The following PRIM2 variants were observed in gnomAD, a reference collection of about 807,000 sequenced individuals.
The protein encoded by PRIM2 is DNA primase subunit 2, also known as DNA primase large subunit.
In PRIM2, 39 loss-of-function variants were observed where a neutral mutation model predicts 67.3. The observed-to-expected ratio is 0.58, with a 90% CI of 0.45 to 0.76. The LOEUF (loss-of-function observed/expected upper bound fraction) is 0.76. Ranked by LOEUF, PRIM2 falls within the 30% of genes least tolerant of loss-of-function variation. The pLI is 0.00. For missense variants in PRIM2, 398 were observed against 598.7 expected, an observed-to-expected ratio of 0.66 and a Z score of 3.50; for synonymous variants, 143 against 198.7, an observed-to-expected ratio of 0.72 and a Z score of 2.36.
chr6:57,646,167 A>T lies in PRIM2; in HGVS notation c.*9A>T. ...TTAGTGAAGATTCTTAGGCAGTTTT[A>T]TAACCCTTTTTCCTCAATAGCCTGT... On this transcript the variant is annotated 3_prime_UTR_variant, in exon 14 of 14. Coordinates refer to ENST00000615550, the MANE Select transcript of PRIM2 (RefSeq NM_000947.5). 6.3e-7 allele frequency: 1 copy of T among 1,576,180 alleles called. No individual in the cohort carries two copies. The highest frequency in any genetic ancestry group is 8.7e-7 in the Non-Finnish European group (1 of 1,147,064).
intron 7 of PRIM2, among the ~76,000 whole-genome samples, chr6:57,482,122 C>CAAAG (rs1773643109): frequency 6.7e-6 from 1 of 149,798 alleles, no homozygotes; most frequent in Admixed American, 6.7e-5. Flanking sequence ...GCCTGGTGAC[C>CAAAG]AAAGGGTCAA....
the PRIM2 span, among the ~76,000 whole-genome samples, chr6:57,266,935 C>T: frequency 6.6e-6 from 1 of 152,168 alleles, no homozygotes. Context: ...GTACTTCACA[C>T]AGAATCCAGC....
rs1772317363 is a variant in PRIM2, at chr6:57,444,874, A to C, written c.694-62513A>C. On this transcript the variant is annotated intron_variant, in intron 7 of 13. Coordinates refer to ENST00000615550, the MANE Select transcript of PRIM2 (RefSeq NM_000947.5). ...TCTCCTCTGGTGTAAAGTGGAAATGAAATAATTTGGGGTGGCAGATTTTTG... is the reference window on the plus strand; with the variant it reads ...TCTCCTCTGGTGTAAAGTGGAAATGCAATAATTTGGGGTGGCAGATTTTTG... 1.3e-5 allele frequency among the ~76,000 whole-genome samples: 2 copies of C among 149,636 alleles called. 1 individual carries two copies. Among genetic ancestry groups the C allele is most frequent in the South Asian group, 4.1e-4 (2 of 4,828 alleles).
At chr6:57,614,695 A>C (rs1776722734) in intron 12 of PRIM2, among the ~76,000 whole-genome samples, 1 of 152,178 alleles carries the variant, frequency 6.6e-6, no homozygotes, top group East Asian at 1.9e-4. Flanking sequence ...CTAATAATAC[A>C]AAAAATTAGC....
chr6:57,462,367 A>C (rs34649023), intron 7 of PRIM2, among the ~76,000 whole-genome samples: 5 of 151,440 alleles, frequency 3.3e-5, no homozygotes, highest in African/African-American at 9.8e-5. Context: ...TTGGATTTGC[A>C]AAACTATTGT....
At chr6:57,566,495 G>T (rs1775744604) in intron 10 of PRIM2, among the ~76,000 whole-genome samples, 2 of 152,096 alleles carry the variant, frequency 1.3e-5, no homozygotes, top group Admixed American at 1.3e-4. Context: ...AAATAAGGGA[G>T]ATCATATTTT....
chr6:57,464,095 A>G (rs1581933419), intron 7 of PRIM2, among the ~76,000 whole-genome samples: 1 of 152,222 alleles, frequency 6.6e-6, no homozygotes, highest in African/African-American at 2.4e-5. Flanking sequence ...GTCTTCCCTC[A>G]AAAGGGCCAT....
chr6:57,234,212 TA>T, the PRIM2 span, among the ~76,000 whole-genome samples: 4 of 151,986 alleles, frequency 2.6e-5, no homozygotes, highest in Admixed American at 2.6e-4. Flanking sequence ...GATGATACAG[TA>T]AAAAAAATTG....
the PRIM2 span, among the ~76,000 whole-genome samples, chr6:57,276,468 C>T: frequency 6.6e-6 from 1 of 151,352 alleles, no homozygotes; most frequent in Non-Finnish European, 1.5e-5. Flanking sequence ...TATATACATG[C>T]ATACATATGT....
chr6:57,615,234 T>G (rs1306611937), intron 12 of PRIM2, among the ~76,000 whole-genome samples: 2 of 151,468 alleles, frequency 1.3e-5, no homozygotes, highest in African/African-American at 4.9e-5. Context: ...CCTGGGTAAC[T>G]TGGCAAAACC....
At chr6:57,323,175 C>T (rs1322557488) in intron 3 of PRIM2, among the ~76,000 whole-genome samples, 1 of 151,198 alleles carries the variant, frequency 6.6e-6, no homozygotes, top group African/African-American at 2.4e-5. Flanking sequence ...CATGTTTGTT[C>T]TTATTATTTT....
chr6:57,517,154 C>G (rs1554348366), intron 8 of PRIM2, among the ~76,000 whole-genome samples: 3 of 152,136 alleles, frequency 2.0e-5, no homozygotes, highest in Admixed American at 1.3e-4. Flanking sequence ...TTTTTTAATA[C>G]TTTTAATATC....
chr6:57,466,293 T>A (rs2127399794), intron 7 of PRIM2, among the ~76,000 whole-genome samples: 3 of 152,352 alleles, frequency 2.0e-5, no homozygotes, highest in African/African-American at 7.2e-5. Flanking sequence ...CATGTGCATG[T>A]GTCTTTATAG....
chr6:57,371,621 G>C (rs1459035743), intron 5 of PRIM2, among the ~76,000 whole-genome samples: 7 of 152,168 alleles, frequency 4.6e-5, no homozygotes, highest in Non-Finnish European at 1.0e-4. Context: ...ACACAGAGAT[G>C]TATATTAAAA....
At chr6:57,527,315 T>A (rs2127466427) in intron 8 of PRIM2, among the ~76,000 whole-genome samples, 1 of 152,342 alleles carries the variant, frequency 6.6e-6, no homozygotes, top group Admixed American at 6.5e-5. Flanking sequence ...ATAGTTTTTA[T>A]CTTGTGGAAA....
intron 9 of PRIM2, among the ~76,000 whole-genome samples, chr6:57,535,464 A>G (rs1359186205): frequency 6.6e-6 from 1 of 152,220 alleles, no homozygotes; most frequent in Non-Finnish European, 1.5e-5. Flanking sequence ...AGTGAATATA[A>G]TAATTGTGGT....
At chr6:57,576,123 T>C (rs1439191166) in intron 10 of PRIM2, among the ~76,000 whole-genome samples, 10,517 of 152,004 alleles carry the variant, frequency 0.069, 521 homozygotes, top group East Asian at 0.2. Flanking sequence ...TTCCCAACTG[T>C]TGTTGGGAAA....
At chr6:57,258,085 C>T in the PRIM2 span, among the ~76,000 whole-genome samples, 1 of 151,950 alleles carries the variant, frequency 6.6e-6, no homozygotes, top group South Asian at 2.1e-4. Flanking sequence ...TTTCCAGCAC[C>T]ATTAAAAACA....
At chr6:57,232,544 G>A in the PRIM2 span, among the ~76,000 whole-genome samples, 4 of 152,070 alleles carry the variant, frequency 2.6e-5, no homozygotes, top group Admixed American at 6.5e-5. Flanking sequence ...GTAAGACTCT[G>A]TCAAAAAAAA....
Sources: gnomAD v4.1 joint callset for allele counts (sites outside exome capture counted in the v4.1 genomes callset) on GRCh38, gnomAD v4.1.1 for gene constraint, MANE v1.5 for transcripts, NCBI Gene and HGNC (gene_info 2026-07-23, HGNC 2026-07-21) for gene names.